Variants in TAFA5 observed in about 807,000 individuals in gnomAD.
The protein encoded by TAFA5 is TAFA chemokine like family member 5, also known as chemokine-like protein TAFA-5.
A neutral mutation model predicts 15.3 loss-of-function variants in TAFA5; 6 were observed. The observed-to-expected ratio is 0.39, with a 90% confidence interval of 0.21 to 0.77. The LOEUF (loss-of-function observed/expected upper bound fraction) is 0.77. Ranked by LOEUF, TAFA5 falls within the 30% of genes least tolerant of loss-of-function variation. The pLI is 0.41. For synonymous variants in TAFA5, 103 were observed against 80.7 expected (o/e 1.28, Z -1.48); for missense variants, 161 against 193.1 (o/e 0.83, Z 0.98).
chr22:48,689,656 CGGG>C (rs1555899545), intron 2 of TAFA5, among the ~76,000 whole-genome samples: 4 of 151,560 alleles, frequency 2.6e-5, no homozygotes, highest in East Asian at 2.0e-4. Flanking sequence ...TGTAGCCCCT[CGGG>C]CGGACAGACT....
chr22:48,553,523 T>C (rs1009680831), intron 1 of TAFA5, among the ~76,000 whole-genome samples: 6 of 151,990 alleles, frequency 3.9e-5, no homozygotes, highest in African/African-American at 1.4e-4. Context: ...GACAGGATGG[T>C]GGGAGAGGGT....
Position 48,649,143 on chromosome 22 carries a change from C to T in TAFA5, c.262+2397C>T, listed in dbSNP as rs1477153808. ...GCCGCGGGCTCTTGGCTGAAGGGAG[C>T]ATGCCTTGCCCAGGTCTCAGTCCGT... On this transcript the variant is annotated intron_variant, in intron 2 of 3. Coordinates refer to ENST00000402357, the MANE Select transcript of TAFA5 (RefSeq NM_001082967.3). Among the ~76,000 whole-genome samples the T allele has an allele frequency of 3.3e-5, 5 of 152,210 alleles. 1 individual carries two copies. The highest frequency in any genetic ancestry group is 3.3e-4 in the Admixed American group (5 of 15,282).
intron 2 of TAFA5, among the ~76,000 whole-genome samples, chr22:48,688,965 C>T (rs1394444517): frequency 1.4e-5 from 2 of 143,780 alleles, no homozygotes; most frequent in Admixed American, 7.2e-5. Context: ...GCACTCCAGC[C>T]TGGGTGACAG....
intron 2 of TAFA5, among the ~76,000 whole-genome samples, chr22:48,702,679 T>C (rs1928948613): frequency 6.6e-6 from 1 of 152,198 alleles, no homozygotes; most frequent in Non-Finnish European, 1.5e-5. Context: ...CAGGAAGCTC[T>C]GTCAGCCCCT....
intron 2 of TAFA5, among the ~76,000 whole-genome samples, chr22:48,654,320 C>T (rs938529243): frequency 1.6e-4 from 25 of 152,294 alleles, no homozygotes; most frequent in African/African-American, 6.0e-4. Context: ...GGTGTCCTGG[C>T]CCCCTCGAAC....
rs76703344 is a variant in TAFA5 at position 48,599,113 on chromosome 22, C to T, written c.113-47484C>T. On this transcript the variant is annotated intron_variant, in intron 1 of 3. Coordinates refer to ENST00000402357, the MANE Select transcript of TAFA5 (RefSeq NM_001082967.3). ...AGCTGAAAGCTTGCTACCTTCCCCC[C>T]ATCTTTTAGGAGTTTGATGTTTCCT... 7.8e-3 allele frequency among the ~76,000 whole-genome samples: 1,193 copies of T among 152,318 alleles called. 6 individuals are homozygous for T. The highest frequency in any genetic ancestry group is 0.012 in the Non-Finnish European group (815 of 68,026).
At chr22:48,557,536 T>A (rs947085979) in intron 1 of TAFA5, among the ~76,000 whole-genome samples, 1 of 152,124 alleles carries the variant, frequency 6.6e-6, no homozygotes, top group Admixed American at 6.5e-5. Context: ...CAGGTGGTGG[T>A]TAGATTAGAG....
chr22:48,538,077 C>T (rs1027718831), intron 1 of TAFA5, among the ~76,000 whole-genome samples: 2 of 152,176 alleles, frequency 1.3e-5, no homozygotes, highest in Non-Finnish European at 2.9e-5. Context: ...GGCCGAGTGG[C>T]CTGCTTTTAT....
intron 2 of TAFA5, among the ~76,000 whole-genome samples, chr22:48,696,614 G>C (rs1464014166): frequency 6.6e-6 from 1 of 152,254 alleles, no homozygotes; most frequent in Non-Finnish European, 1.5e-5. Flanking sequence ...CTAGGTTCCG[G>C]AGAGGGGAAA....
chr22:48,553,995 A>C (rs1922945580), intron 1 of TAFA5, among the ~76,000 whole-genome samples: 1 of 152,218 alleles, frequency 6.6e-6, no homozygotes, highest in African/African-American at 2.4e-5. Context: ...AATTCCCCCA[A>C]AGCGACAAAT....
intron 1 of TAFA5, among the ~76,000 whole-genome samples, chr22:48,507,320 C>T (rs570319441): frequency 6.7e-6 from 1 of 149,404 alleles, no homozygotes; most frequent in East Asian, 1.9e-4. Context: ...GCCGGCCGGT[C>T]AGGCTGGGGC....
At chr22:48,629,025 A>T (rs985870239) in intron 1 of TAFA5, among the ~76,000 whole-genome samples, 1 of 152,148 alleles carries the variant, frequency 6.6e-6, no homozygotes, top group Admixed American at 6.5e-5. Context: ...GCCACAGCAC[A>T]CTCGCAGCTG....
intron 1 of TAFA5, chr22:48,576,386 G>A (rs1255591519): frequency 4.1e-6 from 5 of 1,225,830 alleles, no homozygotes; most frequent in East Asian, 6.7e-5. Context: ...GGCGCGAGCG[G>A]GCGGCCGCGG....
At chr22:48,515,287 G>A (rs1479337802) in intron 1 of TAFA5, among the ~76,000 whole-genome samples, 3 of 152,090 alleles carry the variant, frequency 2.0e-5, no homozygotes, top group African/African-American at 7.2e-5. Context: ...ATAAGCAGGT[G>A]CAGAGCTGGC....
chr22:48,713,522 G>A lies in TAFA5; in HGVS notation c.390+5678G>A, dbSNP rs147026113. The stretch of plus-strand genomic sequence containing the variant: ...GGGCAGCTTGTGCTGTCAGCCTGCC[G>A]GCGAGTTCTGGAGGTCAGACTCACC... On this transcript the variant is annotated intron_variant, in intron 3 of 3. Transcript: ENST00000402357. Among the ~76,000 whole-genome samples the A allele has an allele frequency of 1.8e-4, 27 of 152,328 alleles. No homozygotes were observed. In the East Asian group the frequency reaches 2.1e-3, roughly 12 times the overall value.
chr22:48,594,056 T>A (rs1924672027), intron 1 of TAFA5, among the ~76,000 whole-genome samples: 1 of 152,164 alleles, frequency 6.6e-6, no homozygotes, highest in African/African-American at 2.4e-5. Flanking sequence ...AAAAGCTTTT[T>A]TCCAGGGCGC....
intron 1 of TAFA5, among the ~76,000 whole-genome samples, chr22:48,634,379 A>G (rs1423571412): frequency 2.0e-5 from 3 of 152,042 alleles, no homozygotes; most frequent in Non-Finnish European, 4.4e-5. Flanking sequence ...TAACTCACTT[A>G]TTCAGTCACG....
At chr22:48,575,117 A>C (rs1923717440) in intron 1 of TAFA5, among the ~76,000 whole-genome samples, 1 of 151,930 alleles carries the variant, frequency 6.6e-6, no homozygotes, top group South Asian at 2.1e-4. Context: ...CTGGGGCGGT[A>C]CCTGGGCCTG....
chr22:48,593,867 G>A (rs772026754), intron 1 of TAFA5, among the ~76,000 whole-genome samples: 9 of 152,188 alleles, frequency 5.9e-5, no homozygotes, highest in Non-Finnish European at 1.2e-4. Context: ...GTGAGCATCC[G>A]AGGTGGTGAA....
Sources: gnomAD v4.1 joint callset for allele counts (sites outside exome capture counted in the v4.1 genomes callset) on GRCh38, gnomAD v4.1.1 for gene constraint, MANE v1.5 for transcripts, NCBI Gene and HGNC (gene_info 2026-07-23, HGNC 2026-07-21) for gene names.